LIN9: variants seen among roughly 807,000 people sequenced by gnomAD.
The protein encoded by LIN9 is protein lin-9 homolog.
Under a neutral mutation model 78.0 loss-of-function variants are expected in LIN9, and 18 were observed. The ratio of observed to expected loss-of-function variants is 0.23; its 90% CI spans 0.16 to 0.34. The LOEUF (loss-of-function observed/expected upper bound fraction) is 0.34, where lower values mean the gene tolerates loss of function less well. LIN9 is among the 10% of genes least tolerant of loss of function. The probability of loss-of-function intolerance (pLI) is 1.00; values close to 1 mark genes in which losing one functional copy is unlikely to be tolerated. For missense variants in LIN9, 451 were observed against 644.1 expected (o/e 0.70, Z 3.25); for synonymous variants, 192 against 215.2 (o/e 0.89, Z 0.94).
chr1:226,282,901 ATT>A (rs1236094094), intron 6 of LIN9, among the ~76,000 whole-genome samples: 1 of 152,136 alleles, frequency 6.6e-6, no homozygotes, highest in Non-Finnish European at 1.5e-5. Flanking sequence ...GTAAAATGGA[ATT>A]TTTTTCATGT....
chr1:226,290,954 G>T (rs188630708), intron 4 of LIN9, among the ~76,000 whole-genome samples: 2 of 151,004 alleles, frequency 1.3e-5, no homozygotes, highest in African/African-American at 4.9e-5. Flanking sequence ...ATGGGGTTTT[G>T]CCATGTTGGC....
chr1:226,279,837 T>C (rs935253383), intron 6 of LIN9, among the ~76,000 whole-genome samples: 1 of 151,800 alleles, frequency 6.6e-6, no homozygotes, highest in East Asian at 1.9e-4. Flanking sequence ...TTACCTTTCA[T>C]TTTTTAAAAA....
intron 7 of LIN9, among the ~76,000 whole-genome samples, chr1:226,271,843 T>C (rs941173847): frequency 6.6e-6 from 1 of 152,222 alleles, no homozygotes; most frequent in Non-Finnish European, 1.5e-5. Context: ...TTTATCATTA[T>C]GAAATACTTC....
At chr1:226,267,393 A>G (rs1053102753) in intron 8 of LIN9, among the ~76,000 whole-genome samples, 12 of 134,458 alleles carry the variant, frequency 8.9e-5, no homozygotes, top group African/African-American at 2.5e-4. Flanking sequence ...ACTGCACTCC[A>G]GCCTGGGCGA....
intron 10 of LIN9, among the ~76,000 whole-genome samples, chr1:226,261,762 C>A (rs1228785980): frequency 1.3e-5 from 2 of 152,090 alleles, no homozygotes; most frequent in Admixed American, 6.6e-5. Flanking sequence ...TGGATATTGA[C>A]AAAATGATTC....
intron 2 of LIN9, among the ~76,000 whole-genome samples, chr1:226,299,608 G>T (rs1438465309): frequency 6.6e-6 from 1 of 151,978 alleles, no homozygotes; most frequent in Non-Finnish European, 1.5e-5. Flanking sequence ...AAACAAACTG[G>T]GGTGTTCTGG....
intron 12 of LIN9, among the ~76,000 whole-genome samples, chr1:226,236,136 T>C (rs561999366): frequency 1.6e-4 from 24 of 152,258 alleles, no homozygotes; most frequent in Non-Finnish European, 3.1e-4. Context: ...TAATTACCAA[T>C]AATGCTTCAA....
At chr1:226,285,079 A>G (rs1031919383) in intron 6 of LIN9, among the ~76,000 whole-genome samples, 4 of 152,212 alleles carry the variant, frequency 2.6e-5, no homozygotes, top group African/African-American at 9.6e-5. Flanking sequence ...TTAAAGGACT[A>G]TAAGATTAAA....
rs545303040 is a variant in LIN9 at position 226,285,151 on chromosome 1, A to T, written c.524+1182T>A. Among the ~76,000 whole-genome samples the T allele has an allele frequency of 2.0e-5, 3 of 152,310 alleles. No homozygotes were observed. In the South Asian group the frequency reaches 6.2e-4, roughly 32 times the overall value. ...AGAAATATTATGACACTCAAACTACAGAACTATGACAAAACAGTAAATAGT... is the reference window on the plus strand; with the variant it reads ...AGAAATATTATGACACTCAAACTACTGAACTATGACAAAACAGTAAATAGT... On this transcript the variant is annotated intron_variant, in intron 6 of 14. Transcript: ENST00000681046.
chr1:226,291,121 G>A (rs971365376), intron 4 of LIN9, among the ~76,000 whole-genome samples: 2 of 152,116 alleles, frequency 1.3e-5, no homozygotes, highest in East Asian at 1.9e-4. Flanking sequence ...CATAATTTAC[G>A]ATCCAGCAAT....
At chr1:226,274,391 G>A (rs1401681570) in intron 7 of LIN9, among the ~76,000 whole-genome samples, 1 of 152,056 alleles carries the variant, frequency 6.6e-6, no homozygotes, top group Non-Finnish European at 1.5e-5. Context: ...TACATAATAT[G>A]CTGTTTTTCT....
intron 10 of LIN9, among the ~76,000 whole-genome samples, chr1:226,262,775 C>T (rs1576308261): frequency 6.6e-6 from 1 of 152,190 alleles, no homozygotes; most frequent in African/African-American, 2.4e-5. Flanking sequence ...CCAGCAATTA[C>T]ACTCCTTGGT....
chr1:226,306,114 C>T (rs1307698872), intron 1 of LIN9, among the ~76,000 whole-genome samples: 1 of 151,910 alleles, frequency 6.6e-6, no homozygotes, highest in Admixed American at 6.6e-5. Context: ...CACCTGAGGT[C>T]AGGAGTTTGA....
chr1:226,262,280 G>C (rs1373211604), intron 10 of LIN9, among the ~76,000 whole-genome samples: 2 of 152,148 alleles, frequency 1.3e-5, no homozygotes, highest in South Asian at 4.1e-4. Context: ...ATGATGAGCT[G>C]AACTTCATTA....
At chr1:226,240,125 T>G (rs1447249338) in intron 11 of LIN9, among the ~76,000 whole-genome samples, 6 of 152,122 alleles carry the variant, frequency 3.9e-5, no homozygotes, top group Admixed American at 3.9e-4. Flanking sequence ...AGGAGAAAAC[T>G]GAGGCCTAGA....
At chr1:226,248,854 CTA>C (rs978495878) in intron 11 of LIN9, among the ~76,000 whole-genome samples, 3 of 152,220 alleles carry the variant, frequency 2.0e-5, no homozygotes, top group African/African-American at 7.2e-5. Flanking sequence ...TATAGGGAAA[CTA>C]TTTTTACATA....
chr1:226,272,830 T>C (rs1266754293), intron 7 of LIN9, among the ~76,000 whole-genome samples: 2 of 152,168 alleles, frequency 1.3e-5, no homozygotes, highest in African/African-American at 2.4e-5. Flanking sequence ...TGTTTCTTTG[T>C]TGGATTACCA....
At chr1:226,246,267 C>G (rs1003054589) in intron 11 of LIN9, among the ~76,000 whole-genome samples, 1 of 152,118 alleles carries the variant, frequency 6.6e-6, no homozygotes, top group African/African-American at 2.4e-5. Flanking sequence ...TAACTTTATC[C>G]TTGAAGGCAT....
In LIN9 at chr1:226,260,628, G is replaced by GTTTT. The variant is rs559460640; in HGVS notation, c.1038+4901_1038+4904dup. 9.0e-4 allele frequency among the ~76,000 whole-genome samples: 66 copies of GTTTT among 73,416 alleles called. 2 individuals are homozygous for GTTTT. Among genetic ancestry groups the GTTTT allele is most frequent in the South Asian group, 1.8e-3 (3 of 1,632 alleles). The allele number at this position is 73,416 out of a possible 152,430, so 48.2% of individuals were successfully genotyped here. ...AGAATTTAAGATCACGGCCAAATGA[G>GTTTT]TTTTTTTTTTTTTTTTTTTTTTTTT... On this transcript the variant is annotated intron_variant, in intron 10 of 14. Transcript: ENST00000681046.
Sources: gnomAD v4.1 joint callset for allele counts (sites outside exome capture counted in the v4.1 genomes callset) on GRCh38, gnomAD v4.1.1 for gene constraint, MANE v1.5 for transcripts, NCBI Gene and HGNC (gene_info 2026-07-23, HGNC 2026-07-21) for gene names.